The following WDR37 variants were observed in gnomAD, a reference collection of about 807,000 sequenced individuals.
WDR37 encodes WD repeat domain 37.
WDR37 carries 19 observed loss-of-function variants against 62.9 expected under a neutral mutation model. The ratio of observed to expected loss-of-function variants is 0.30; its 90% CI spans 0.21 to 0.44. The LOEUF is 0.44. WDR37 is among the 20% of genes least tolerant of loss of function. WDR37 has a pLI of 1.00. For missense variants in WDR37, 474 were observed against 657.6 expected (o/e 0.72, Z 3.05); for synonymous variants, 250 against 260.9 (o/e 0.96, Z 0.40).
At chr10:1,077,477 G>C (rs1283762450) in intron 2 of WDR37, among the ~76,000 whole-genome samples, 1 of 152,106 alleles carries the variant, frequency 6.6e-6, no homozygotes, top group East Asian at 1.9e-4. Flanking sequence ...GGGTGTGGCG[G>C]GAACTCTGCA....
At position 1,093,733 on chromosome 10, in the gene WDR37, T is replaced by A. The variant is rs1024065996; in HGVS notation, c.649+237T>A. On this transcript the variant is annotated intron_variant, in intron 8 of 13. Coordinates refer to ENST00000263150, the MANE Select transcript of WDR37 (RefSeq NM_014023.4). The stretch of plus-strand genomic sequence containing the variant: ...TGAGATGAAGATGGCTTCACGGTCT[T>A]CTCGAAGCCTTTCCGTACAGCATCA... 2.6e-5 allele frequency among the ~76,000 whole-genome samples: 4 copies of A among 152,214 alleles called. No individual in the cohort carries two copies. In the East Asian group the frequency reaches 7.7e-4, roughly 29 times the overall value.
chr10:1,072,135 G>C lies in WDR37; in HGVS notation c.-21G>C. ...TTTTAGCTTATTGCAGGAGTGACCA[G>C]GACACTACCTCCTAGAAGTAATGCC... On this transcript the variant is annotated 5_prime_UTR_variant, in exon 2 of 14. Transcript: ENST00000263150. 1 of 1,613,546 alleles carries C rather than the reference G, an allele frequency of 6.2e-7. No individual in the cohort carries two copies. The highest frequency in any genetic ancestry group is 8.5e-7 in the Non-Finnish European group (1 of 1,179,710).
At chr10:1,092,854 G>A (rs912633291) in intron 7 of WDR37, among the ~76,000 whole-genome samples, 8 of 104,742 alleles carry the variant, frequency 7.6e-5, no homozygotes, top group African/African-American at 2.7e-4. Flanking sequence ...TAGGCAACCA[G>A]AGCAAGACCC....
chr10:1,062,419 G>T (rs1833403029), intron 1 of WDR37, among the ~76,000 whole-genome samples: 1 of 152,204 alleles, frequency 6.6e-6, no homozygotes, highest in African/African-American at 2.4e-5. Flanking sequence ...CGAACTTGTA[G>T]AATGTCTGGA....
In WDR37 at chr10:1,086,262, G is replaced by A. The variant is rs376972707; in HGVS notation, c.533-24G>A. ...TATAAACTGATGATAGCTAAGTTCC[G>A]ACTTCTTCATTTCCATCTTGCAGAT... On this transcript the variant is annotated intron_variant, in intron 6 of 13. Coordinates refer to ENST00000263150, the MANE Select transcript of WDR37 (RefSeq NM_014023.4). 189 of 1,607,422 alleles carry A rather than the reference G, an allele frequency of 1.2e-4. 1 individual carries two copies. In the Middle Eastern group the frequency reaches 2.8e-3, roughly 24 times the overall value.
At position 1,086,341 on chromosome 10, in the gene WDR37, A is replaced by G; in HGVS notation, c.588A>G (p.Ala196=). The change falls in exon 7 of 14, where the codon GCA becomes GCG. Residue 196 remains alanine, a synonymous_variant. Transcript: ENST00000263150. Reference sequence around the variant, plus strand: ...CAGGGAAGTGCCTAGTCAAGTACGCAGGCCACGTGGGCTCAGGTAAGCACT... The same window carrying G: ...CAGGGAAGTGCCTAGTCAAGTACGCGGGCCACGTGGGCTCAGGTAAGCACT... The part of the protein sequence containing the change: ...IETGKCLVKY[A]GHVGSVNSIK... 1 of 1,614,122 alleles carries G rather than the reference A, an allele frequency of 6.2e-7. No individual in the cohort carries two copies. The highest frequency in any genetic ancestry group is 8.5e-7 in the Non-Finnish European group (1 of 1,179,972).
At chr10:1,089,248 C>G (rs1467729410) in intron 7 of WDR37, among the ~76,000 whole-genome samples, 1 of 151,988 alleles carries the variant, frequency 6.6e-6, no homozygotes, top group East Asian at 1.9e-4. Flanking sequence ...TCCTGGCTGC[C>G]TCTTCTGAGG....
At chr10:1,126,081 T>A (rs1052051617) in intron 13 of WDR37, among the ~76,000 whole-genome samples, 1 of 151,978 alleles carries the variant, frequency 6.6e-6, no homozygotes, top group East Asian at 1.9e-4. Context: ...CCCTGGGAGG[T>A]CACAGGGTCA....
At chr10:1,082,996 A>G (rs1834079083) in intron 5 of WDR37, among the ~76,000 whole-genome samples, 1 of 152,214 alleles carries the variant, frequency 6.6e-6, no homozygotes, top group Non-Finnish European at 1.5e-5. Flanking sequence ...GGAAAATGAA[A>G]TTTACTACAA....
intron 9 of WDR37, among the ~76,000 whole-genome samples, chr10:1,099,969 G>T (rs1343730249): frequency 1.4e-5 from 2 of 147,428 alleles, no homozygotes; most frequent in East Asian, 4.2e-4. Context: ...TGGTGGGCGT[G>T]GTGGAGAGGT....
At chr10:1,067,140 C>G (rs140310959) in intron 1 of WDR37, among the ~76,000 whole-genome samples, 1 of 152,104 alleles carries the variant, frequency 6.6e-6, no homozygotes. Flanking sequence ...TAACCCCACA[C>G]AAGTACAGTG....
rs772187710 is a variant in WDR37, at chr10:1,103,861, GC to G, written c.961+27del. 6.2e-7 allele frequency: 1 copy of G among 1,609,350 alleles called. No individual in the cohort carries two copies. The highest frequency in any genetic ancestry group is 1.7e-5 in the Admixed American group (1 of 59,642). On this transcript the variant is annotated intron_variant, in intron 10 of 13. Transcript: ENST00000263150. This position sits in a 1 kb window ranked among gnomAD's most constrained non-coding sequence, Gnocchi z 6.3. ...GGTGCCTGGGTTCTCTGAGTCCGCC[GC>G]CTCCTGGCTGTGCATGTTAGTTTAT... is the stretch of plus-strand genomic sequence containing the variant.
chr10:1,126,626 C>T (rs1045848412), intron 13 of WDR37, among the ~76,000 whole-genome samples: 4 of 152,210 alleles, frequency 2.6e-5, no homozygotes, highest in African/African-American at 9.7e-5. Flanking sequence ...CTCAGTGCCT[C>T]TGTGGCTCCT....
intron 11 of WDR37, among the ~76,000 whole-genome samples, chr10:1,119,270 T>C (rs527248235): frequency 6.6e-6 from 1 of 152,326 alleles, no homozygotes; most frequent in South Asian, 2.1e-4. Context: ...GTGCTGTTAC[T>C]GAGTCCAGGC....
intron 11 of WDR37, among the ~76,000 whole-genome samples, chr10:1,120,846 T>C (rs910594834): frequency 7.2e-5 from 11 of 152,252 alleles, no homozygotes; most frequent in African/African-American, 1.7e-4. Flanking sequence ...CAGAAGCGGT[T>C]CTGTGTCTCT....
Position 1,131,460 on chromosome 10 carries a change from A to G in WDR37, c.*2116A>G, listed in dbSNP as rs772909985. The G allele has an allele frequency of 1.3e-5, 2 of 152,284 alleles. No individual in the cohort carries two copies. Among genetic ancestry groups the G allele is most frequent in the Non-Finnish European group, 2.9e-5 (2 of 68,056 alleles). The allele number at this position is 152,284 out of a possible 1,614,324, so 9.4% of individuals were successfully genotyped here. ...CTAGTGGCCACTGAGTTCCAGGCAC[A>G]CTGGTGCCCTTTACTGCCACAGCTG... On this transcript the variant is annotated 3_prime_UTR_variant, in exon 14 of 14. Transcript: ENST00000263150.
rs1449794973 is a variant in WDR37, at chr10:1,105,551, G to C, written c.1103+284G>C. Among the ~76,000 whole-genome samples, 1 of 152,174 alleles carries C rather than the reference G, an allele frequency of 6.6e-6. No individual in the cohort carries two copies. The highest frequency in any genetic ancestry group is 1.5e-5 in the Non-Finnish European group (1 of 68,044). On this transcript the variant is annotated intron_variant, in intron 11 of 13. Coordinates refer to ENST00000263150, the MANE Select transcript of WDR37 (RefSeq NM_014023.4). The surrounding 1 kb of genome is among the most constrained non-coding windows in gnomAD (Gnocchi z 5.3). ...GTGGAGAGGGTTAGAGAAGAGCAGGGCTGCCAGAGCCTGTAGCTGAGCACA... is the reference window on the plus strand; with the variant it reads ...GTGGAGAGGGTTAGAGAAGAGCAGGCCTGCCAGAGCCTGTAGCTGAGCACA...
At chr10:1,111,905 C>CTT (rs1004991996) in intron 11 of WDR37, among the ~76,000 whole-genome samples, 10 of 136,804 alleles carry the variant, frequency 7.3e-5, no homozygotes, top group African/African-American at 2.0e-4. Context: ...CTCTCTCTCT[C>CTT]TTTTTTTTTT....
At chr10:1,092,346 G>A (rs1258391237) in intron 7 of WDR37, among the ~76,000 whole-genome samples, 5 of 150,706 alleles carry the variant, frequency 3.3e-5, no homozygotes, top group East Asian at 4.0e-4. Flanking sequence ...ACAAAAGACC[G>A]TGTCTCTACT....
Sources: allele counts gnomAD v4.1 joint callset (sites outside exome capture counted in the v4.1 genomes callset), GRCh38; gene constraint gnomAD v4.1.1; non-coding constraint Gnocchi (gnomAD v3.1); transcripts MANE v1.5; gene names NCBI Gene and HGNC (gene_info 2026-07-23, HGNC 2026-07-21).